CCDC88C: variants seen among roughly 807,000 people sequenced by gnomAD.
The protein encoded by CCDC88C is coiled-coil and HOOK domain protein 88C, also known as protein Daple.
Under a neutral mutation model 198.8 loss-of-function variants are expected in CCDC88C, and 131 were observed. The observed-to-expected ratio is 0.66, with a 90% CI of 0.57 to 0.76. The LOEUF (loss-of-function observed/expected upper bound fraction) is 0.76. Among genes scored for constraint, CCDC88C ranks in the 30% least tolerant of loss-of-function variants. The probability of loss-of-function intolerance (pLI) is 0.00; values close to 1 mark genes in which losing one functional copy is unlikely to be tolerated. For synonymous variants in CCDC88C, 1,166 were observed against 1,114.7 expected (o/e 1.05, Z -0.92); for missense variants, 2,553 against 2,631.6 (o/e 0.97, Z 0.65).
chr14:91,377,503 C>T (rs769409074), intron 3 of CCDC88C, among the ~76,000 whole-genome samples: 10 of 152,088 alleles, frequency 6.6e-5, no homozygotes, highest in Non-Finnish European at 1.5e-4. Flanking sequence ...TGGGACTCGT[C>T]GTCAGTTCTT....
At position 91,284,754 on chromosome 14, in the gene CCDC88C, C is replaced by G. The variant is rs1890335333; in HGVS notation, c.4442-1237G>C. 1.3e-5 allele frequency among the ~76,000 whole-genome samples: 2 copies of G among 152,142 alleles called. No individual in the cohort carries two copies. Among genetic ancestry groups the G allele is most frequent in the African/African-American group, 4.8e-5 (2 of 41,394 alleles). On this transcript the variant is annotated intron_variant, in intron 25 of 29. Transcript: ENST00000389857. The surrounding 1 kb of genome is among the most constrained non-coding windows in gnomAD (Gnocchi z 4.1). ...GTTTTTATGATGATATGTGTGTTTT[C>G]CACTTACAGGACTGATACTAATCTT...
At chr14:91,383,234 G>A (rs1455332714) in intron 3 of CCDC88C, among the ~76,000 whole-genome samples, 1 of 152,220 alleles carries the variant, frequency 6.6e-6, no homozygotes, top group Non-Finnish European at 1.5e-5. Context: ...GCTCTGCCAG[G>A]CCTGGAGTGC....
At chr14:91,300,539 C>T (rs1438038455) in intron 20 of CCDC88C, among the ~76,000 whole-genome samples, 1 of 152,248 alleles carries the variant, frequency 6.6e-6, no homozygotes, top group Non-Finnish European at 1.5e-5. Context: ...AAGCCTCTCC[C>T]TCTCCCCTTA....
Position 91,273,559 on chromosome 14 carries a change from T to G in CCDC88C, c.5153A>C (p.Lys1718Thr). 6.6e-7 allele frequency: 1 copy of G among 1,505,708 alleles called. No individual in the cohort carries two copies. Among genetic ancestry groups the G allele is most frequent in the Non-Finnish European group, 8.9e-7 (1 of 1,125,722 alleles). 93.3% of individuals were successfully genotyped at this position (1,505,708 alleles called of 1,614,324 possible). A position where few individuals can be genotyped will look rare whatever the true frequency, so the allele number is the denominator to read the frequency against. ...GGTGGGCATCTTGGCCCCTTCTTTC[T>G]TGGCAGGTGGTCCTGGTTGGCCTCC... ...AIGGQPGPPA[K>T]KEGAKMPTNF... is the part of the protein sequence containing the mutation. Residue 1718 changes from lysine to threonine, a missense_variant, in exon 30 of 30, where the codon AAG becomes ACG. Lys to Thr is a moderately conservative substitution (Grantham distance 78). Transcript: ENST00000389857. The surrounding 1 kb of genome is among the most constrained non-coding windows in gnomAD (Gnocchi z 5.6).
chr14:91,415,065 G>A (rs1273382212), intron 2 of CCDC88C, among the ~76,000 whole-genome samples: 4 of 152,164 alleles, frequency 2.6e-5, no homozygotes, highest in Non-Finnish European at 5.9e-5. Flanking sequence ...TGTAGGAGCT[G>A]AATGAAAAGG....
Position 91,408,731 on chromosome 14 carries a change from G to A in CCDC88C, c.198C>T (p.His66=), listed in dbSNP as rs1010423834. Residue 66 remains histidine (H), a synonymous_variant, in exon 3 of 30, where the codon CAC becomes CAT. Coordinates refer to ENST00000389857, the MANE Select transcript of CCDC88C (RefSeq NM_001080414.4). The part of the protein sequence containing the change: ...PRPTNQRINK[H]VNNDVNLRIQ... ...TGCGAAGGTTCACATCATTGTTGACGTGCTTATTGATGCGTTGATTTGTGG... is the reference window on the plus strand; with the variant it reads ...TGCGAAGGTTCACATCATTGTTGACATGCTTATTGATGCGTTGATTTGTGG... 15 of 1,613,654 alleles carry A rather than the reference G, an allele frequency of 9.3e-6. No individual in the cohort carries two copies. The highest frequency in any genetic ancestry group is 2.7e-5 in the African/African-American group (2 of 74,902).
chr14:91,370,549 G>C lies in CCDC88C; in HGVS notation c.271-10838C>G, dbSNP rs117409452. On this transcript the variant is annotated intron_variant, in intron 3 of 29. Coordinates refer to ENST00000389857, the MANE Select transcript of CCDC88C (RefSeq NM_001080414.4). ...CCCCTGAGCCAAAGAAGGGGGCGGG[G>C]GGCAGCCCCAGAAACACGGGCAGGA... is the stretch of plus-strand genomic sequence containing the variant. Among the ~76,000 whole-genome samples, 128 of 152,304 alleles carry C rather than the reference G, an allele frequency of 8.4e-4. 1 individual carries two copies. In the East Asian group the frequency reaches 0.023, roughly 27 times the overall value.
Position 91,314,018 on chromosome 14 carries a change from T to C in CCDC88C, c.1798A>G (p.Thr600Ala), listed in dbSNP as rs1891977744. 6.2e-7 allele frequency: 1 copy of C among 1,613,798 alleles called. No individual in the cohort carries two copies. The highest frequency in any genetic ancestry group is 8.5e-7 in the Non-Finnish European group (1 of 1,179,880). The change falls in exon 15 of 30, where the codon ACG (threonine) becomes GCG (alanine). Residue 600 changes from threonine (T) to alanine (A), a missense_variant. By Grantham distance (58) the Thr-to-Ala change is moderately conservative. Coordinates refer to ENST00000389857, the MANE Select transcript of CCDC88C (RefSeq NM_001080414.4). The stretch of plus-strand genomic sequence containing the variant: ...TGGCTGAGCTTGCCATTGGCCTCCG[T>C]CACCGTCTGGTGGAGGGCTTTGTTC... Reference protein sequence around the residue: ...KENKALHQTVTEANGKLSQLE... With the variant: ...KENKALHQTVAEANGKLSQLE...
Position 91,271,449 on chromosome 14 carries a change from C to T in CCDC88C, c.*1176G>A, listed in dbSNP as rs989368802. The T allele has an allele frequency of 2.6e-5, 4 of 151,110 alleles. No individual in the cohort carries two copies. The highest frequency in any genetic ancestry group is 9.7e-5 in the African/African-American group (4 of 41,056). 9.4% of individuals were successfully genotyped at this position (151,110 alleles called of 1,614,324 possible). ...ATTCAAAAGTCTCCCATTTCTTTCT[C>T]AGTATATTAAATCAAAAGGAAAAAA... On this transcript the variant is annotated 3_prime_UTR_variant, in exon 30 of 30. Transcript: ENST00000389857.
chr14:91,362,865 G>A (rs780758206), intron 3 of CCDC88C, among the ~76,000 whole-genome samples: 1 of 151,762 alleles, frequency 6.6e-6, no homozygotes, highest in Non-Finnish European at 1.5e-5. Context: ...GGAGGCGGAG[G>A]TTACAGTGAG....
intron 20 of CCDC88C, among the ~76,000 whole-genome samples, chr14:91,302,542 A>T (rs1254913115): frequency 6.6e-6 from 1 of 152,062 alleles, no homozygotes; most frequent in Non-Finnish European, 1.5e-5. Flanking sequence ...GGCTGACTTA[A>T]TGAATACAAA....
In CCDC88C at chr14:91,300,022, C is replaced by A; in HGVS notation, c.3684G>T (p.Lys1228Asn). 6.2e-7 allele frequency: 1 copy of A among 1,605,198 alleles called. No individual in the cohort carries two copies. The highest frequency in any genetic ancestry group is 1.7e-4 in the Middle Eastern group (1 of 6,056). ...KRKAELEERE[K>N]VLTTEREALQ... The stretch of plus-strand genomic sequence containing the variant: ...GCGCCTCTCGCTCAGTGGTCAAGAC[C>A]TTCTCCCGCTCCTCCAGCTCCGCCT... Residue 1228 changes from lysine to asparagine, a missense_variant, in exon 21 of 30, where the codon AAG (lysine) becomes AAT (asparagine). Lys to Asn is a moderately conservative substitution (Grantham distance 94). This residue lies in a region of CCDC88C where 1,293 missense variants were observed against 1,219.6 expected (regional missense o/e 1.06). Coordinates refer to ENST00000389857, the MANE Select transcript of CCDC88C (RefSeq NM_001080414.4).
chr14:91,307,023 G>A lies in CCDC88C; in HGVS notation c.3195+15C>T, dbSNP rs778738440. On this transcript the variant is annotated intron_variant, in intron 18 of 29. Coordinates refer to ENST00000389857, the MANE Select transcript of CCDC88C (RefSeq NM_001080414.4). ...CTCTGTCCCCGATGGACCATGCCCA[G>A]GCCAGCCCACTCACATTCCGCTCCA... The A allele has an allele frequency of 2.5e-6, 4 of 1,601,368 alleles. No homozygotes were observed. The highest frequency in any genetic ancestry group is 3.4e-6 in the Non-Finnish European group (4 of 1,172,802).
Position 91,279,324 on chromosome 14 carries a change from T to C in CCDC88C, c.4700-18A>G. 6.3e-7 allele frequency: 1 copy of C among 1,581,402 alleles called. No individual in the cohort carries two copies. Among genetic ancestry groups the C allele is most frequent in the Non-Finnish European group, 8.6e-7 (1 of 1,161,510 alleles). On this transcript the variant is annotated intron_variant, in intron 27 of 29. Coordinates refer to ENST00000389857, the MANE Select transcript of CCDC88C (RefSeq NM_001080414.4). ...CCGCGACACTGAAAGGAAATGGCAGTGTTAAAATTAAAAAGCCAATGACCA... is the reference window on the plus strand; with the variant it reads ...CCGCGACACTGAAAGGAAATGGCAGCGTTAAAATTAAAAAGCCAATGACCA...
intron 21 of CCDC88C, among the ~76,000 whole-genome samples, chr14:91,299,716 G>A (rs557509429): frequency 2.2e-4 from 33 of 152,306 alleles, no homozygotes; most frequent in African/African-American, 7.2e-4. Flanking sequence ...CTCAGACGAC[G>A]CGCCATCCCC....
intron 29 of CCDC88C, among the ~76,000 whole-genome samples, chr14:91,275,238 A>T (rs1889904422): frequency 6.6e-6 from 1 of 152,130 alleles, no homozygotes. Context: ...TTTTGGTCTC[A>T]TTTAAGCTAA....
rs2139936556 is a variant in CCDC88C, at chr14:91,374,946, G to A, written c.271-15235C>T. Among the ~76,000 whole-genome samples, 3 of 152,336 alleles carry A rather than the reference G, an allele frequency of 2.0e-5. No homozygotes were observed. In the South Asian group the frequency reaches 6.2e-4, roughly 32 times the overall value. On this transcript the variant is annotated intron_variant, in intron 3 of 29. Coordinates refer to ENST00000389857, the MANE Select transcript of CCDC88C (RefSeq NM_001080414.4). ...CTGTCAGAGCCAGGAATGAAGATGT[G>A]GTGACACTCCCTTACGGAGCCCAAT...
At chr14:91,410,904 C>T (rs1051308396) in intron 2 of CCDC88C, among the ~76,000 whole-genome samples, 3 of 152,188 alleles carry the variant, frequency 2.0e-5, no homozygotes, top group Non-Finnish European at 4.4e-5. Flanking sequence ...CAGTATACAT[C>T]GTGGACATCT....
At chr14:91,282,916 CAT>C (rs1417124402) in intron 26 of CCDC88C, among the ~76,000 whole-genome samples, 1 of 152,234 alleles carries the variant, frequency 6.6e-6, no homozygotes, top group Non-Finnish European at 1.5e-5. Flanking sequence ...TTAAAATACA[CAT>C]ACACACACTA....
Sources: allele counts gnomAD v4.1 joint callset (sites outside exome capture counted in the v4.1 genomes callset), GRCh38; gene constraint gnomAD v4.1.1; regional missense constraint gnomAD v4.1.1; non-coding constraint Gnocchi (gnomAD v3.1); transcripts MANE v1.5; gene names NCBI Gene and HGNC (gene_info 2026-07-23, HGNC 2026-07-21).